Variants in RBFOX1 observed in about 807,000 individuals in gnomAD.
RBFOX1 encodes the protein RNA binding fox-1 homolog 1.
Under a neutral mutation model 57.7 loss-of-function variants are expected in RBFOX1, and 8 were observed. That is an observed-to-expected ratio of 0.14 (90% CI 0.08 to 0.25). The LOEUF is 0.25. Ranked by LOEUF, RBFOX1 falls within the 10% of genes least tolerant of loss-of-function variation. The pLI, the probability that RBFOX1 is intolerant of heterozygous loss-of-function variation, is 1.00. For missense variants in RBFOX1, 611 were observed against 548.5 expected (o/e 1.11, Z -1.14); for synonymous variants, 326 against 222.4 (o/e 1.47, Z -4.15).
intron 1 of RBFOX1, among the ~76,000 whole-genome samples, chr16:5,456,922 T>G (rs535261040): frequency 2.9e-4 from 44 of 152,298 alleles, no homozygotes; most frequent in African/African-American, 9.9e-4. Context: ...ACATTCCACC[T>G]CTAGGCCTTT....
At chr16:5,994,243 C>G (rs1016574795) in intron 4 of RBFOX1, among the ~76,000 whole-genome samples, 4 of 152,200 alleles carry the variant, frequency 2.6e-5, no homozygotes, top group Non-Finnish European at 5.9e-5. Context: ...CTCACTGCAA[C>G]CTCTGCCTCC....
At chr16:7,518,016 C>T (rs912338399) in intron 4 of RBFOX1, 131 bp from the exon 5 acceptor site, 36 of 1,142,376 alleles carry the variant, frequency 3.2e-5, no homozygotes, top group African/African-American at 2.6e-4. Context: ...TGGTCCATCT[C>T]AGGCTGGTGG....
chr16:5,371,091 G>T (rs917828414), intron 1 of RBFOX1, among the ~76,000 whole-genome samples: 1 of 152,158 alleles, frequency 6.6e-6, no homozygotes, highest in African/African-American at 2.4e-5. Context: ...GGGACTACAG[G>T]TGTGCGCCAT....
intron 3 of RBFOX1, among the ~76,000 whole-genome samples, chr16:6,787,506 T>G (rs942882945): frequency 1.3e-5 from 2 of 152,184 alleles, no homozygotes; most frequent in African/African-American, 4.8e-5. Flanking sequence ...GTTGTGTGAC[T>G]GTATGCTGGG....
intron 3 of RBFOX1, among the ~76,000 whole-genome samples, chr16:6,978,497 C>G (rs773937798): frequency 6.6e-6 from 1 of 152,172 alleles, no homozygotes; most frequent in Non-Finnish European, 1.5e-5. Flanking sequence ...GTATTATTAT[C>G]TCCATTTTAC....
intron 10 of RBFOX1, among the ~76,000 whole-genome samples, chr16:7,620,767 G>C (rs560235843): frequency 1.3e-5 from 2 of 152,246 alleles, no homozygotes; most frequent in African/African-American, 4.8e-5. Context: ...GTGTAGCTTT[G>C]AGAGAGAGTG....
At chr16:6,585,240 C>T (rs1053222613) in intron 2 of RBFOX1, among the ~76,000 whole-genome samples, 1 of 152,198 alleles carries the variant, frequency 6.6e-6, no homozygotes, top group Non-Finnish European at 1.5e-5. Context: ...TCTTTCCTAT[C>T]TTACAGAAGA....
chr16:5,916,363 C>T (rs114820495), intron 4 of RBFOX1, among the ~76,000 whole-genome samples: 173 of 152,218 alleles, frequency 1.1e-3, no homozygotes, highest in African/African-American at 3.4e-3. Flanking sequence ...TATTAATTCT[C>T]GGTTTCACCT....
At chr16:5,458,443 G>A (rs2068694820) in intron 1 of RBFOX1, among the ~76,000 whole-genome samples, 1 of 151,972 alleles carries the variant, frequency 6.6e-6, no homozygotes, top group South Asian at 2.1e-4. Context: ...GAGAAGAAGT[G>A]GGAAGCTATA....
chr16:5,944,798 A>G (rs1487487825), intron 4 of RBFOX1, among the ~76,000 whole-genome samples: 1 of 137,032 alleles, frequency 7.3e-6, no homozygotes, highest in Non-Finnish European at 1.6e-5. Flanking sequence ...GCTAAAAAAA[A>G]AAAAAAAAAA....
At chr16:7,054,232 G>GGTGT (rs2051202151) in intron 4 of RBFOX1, among the ~76,000 whole-genome samples, 1 of 32,700 alleles carries the variant, frequency 3.1e-5, no homozygotes, top group African/African-American at 1.6e-4. Flanking sequence ...GGGGCGGGGA[G>GGTGT]CTTTTTTTTT....
intron 3 of RBFOX1, among the ~76,000 whole-genome samples, chr16:6,879,594 G>T (rs1370717089): frequency 6.6e-6 from 1 of 152,174 alleles, no homozygotes; most frequent in Non-Finnish European, 1.5e-5. Flanking sequence ...TTTAAAGCCA[G>T]TATCATCCAC....
At chr16:7,180,479 C>A (rs552978282) in intron 4 of RBFOX1, among the ~76,000 whole-genome samples, 6 of 152,210 alleles carry the variant, frequency 3.9e-5, no homozygotes, top group African/African-American at 1.4e-4. Context: ...AAAGTCTACA[C>A]CACGTTTATG....
intron 4 of RBFOX1, among the ~76,000 whole-genome samples, chr16:7,271,245 T>C (rs2095311359): frequency 6.6e-6 from 1 of 152,130 alleles, no homozygotes; most frequent in Non-Finnish European, 1.5e-5. Context: ...ACGTGTTTCC[T>C]AATGTTTGAT....
intron 1 of RBFOX1, among the ~76,000 whole-genome samples, chr16:6,251,306 C>T (rs1000980913): frequency 6.6e-6 from 1 of 152,088 alleles, no homozygotes. Flanking sequence ...TGATATTAAA[C>T]TGGGGGGAAG....
intron 2 of RBFOX1, among the ~76,000 whole-genome samples, chr16:5,571,448 C>T (rs572490791): frequency 4.6e-5 from 7 of 152,006 alleles, no homozygotes; most frequent in Non-Finnish European, 8.8e-5. Flanking sequence ...CTCCTGACCT[C>T]AAGTGATCTG....
chr16:7,226,043 T>G lies in RBFOX1; in HGVS notation c.27+173945T>G, dbSNP rs2093094234. ...CACTCTGCTTTTCTTGGCGTCCACT[T>G]TATTTCATGTCATATTCTCTCCAAA... On this transcript the variant is annotated intron_variant, in intron 4 of 15. Coordinates refer to ENST00000550418, the MANE Select transcript of RBFOX1 (RefSeq NM_018723.4). Among the ~76,000 whole-genome samples the G allele has an allele frequency of 1.3e-5, 2 of 152,018 alleles. 1 individual carries two copies. Among genetic ancestry groups the G allele is most frequent in the South Asian group, 4.2e-4 (2 of 4,802 alleles).
chr16:6,427,970 A>C (rs1463972553), intron 2 of RBFOX1, among the ~76,000 whole-genome samples: 1 of 152,174 alleles, frequency 6.6e-6, no homozygotes, highest in African/African-American at 2.4e-5. Flanking sequence ...GAGTTAATGC[A>C]TGAAAGCACT....
intron 4 of RBFOX1, among the ~76,000 whole-genome samples, chr16:7,381,843 G>T (rs2097786600): frequency 1.3e-5 from 2 of 152,100 alleles, no homozygotes; most frequent in Non-Finnish European, 1.5e-5. Flanking sequence ...GGGGACTGCT[G>T]AGTGCTTTGT....
Sources: allele counts gnomAD v4.1 joint callset (sites outside exome capture counted in the v4.1 genomes callset), GRCh38; gene constraint gnomAD v4.1.1; transcripts MANE v1.5; gene names NCBI Gene and HGNC (gene_info 2026-07-23, HGNC 2026-07-21).